GPC5: variants seen among roughly 807,000 people sequenced by gnomAD.
GPC5 encodes the protein glypican-5.
A neutral mutation model predicts 53.9 loss-of-function variants in GPC5; 47 were observed. The observed-to-expected ratio is 0.87, with a 90% CI of 0.69 to 1.11. GPC5 has a LOEUF of 1.11. Ranked by LOEUF, GPC5 falls within the 50% of genes most tolerant of loss-of-function variation. The probability of loss-of-function intolerance (pLI) is 0.00; values close to 1 mark genes in which losing one functional copy is unlikely to be tolerated. For missense variants in GPC5, 748 were observed against 713.1 expected (o/e 1.05, Z -0.56); for synonymous variants, 286 against 263.3 (o/e 1.09, Z -0.84).
intron 7 of GPC5, among the ~76,000 whole-genome samples, chr13:92,629,814 AG>A: frequency 6.6e-6 from 1 of 152,292 alleles, no homozygotes; most frequent in South Asian, 2.1e-4. Flanking sequence ...AAAAATCAAT[AG>A]GACTTCATTC....
At chr13:91,959,057 A>AACACACACACACACAC (rs147785443) in intron 6 of GPC5, among the ~76,000 whole-genome samples, 1 of 127,654 alleles carries the variant, frequency 7.8e-6, no homozygotes, top group Admixed American at 8.1e-5. Flanking sequence ...GAATGGAGAC[A>AACACACACACACACAC]ACACACACAC....
At chr13:92,488,657 T>C (rs1879649430) in intron 7 of GPC5, among the ~76,000 whole-genome samples, 1 of 152,212 alleles carries the variant, frequency 6.6e-6, no homozygotes, top group Non-Finnish European at 1.5e-5. Flanking sequence ...AGACAGGAAA[T>C]GCAATGACAT....
chr13:92,384,585 A>G (rs952733853), intron 7 of GPC5, among the ~76,000 whole-genome samples: 3 of 152,156 alleles, frequency 2.0e-5, no homozygotes, highest in Admixed American at 6.5e-5. Flanking sequence ...CTCTTCCTTT[A>G]AACAAATCCC....
At chr13:92,187,215 G>A (rs1014482086) in intron 7 of GPC5, among the ~76,000 whole-genome samples, 4 of 152,110 alleles carry the variant, frequency 2.6e-5, no homozygotes, top group Admixed American at 1.3e-4. Context: ...AAATAAGTTA[G>A]TACATCCACT....
intron 5 of GPC5, among the ~76,000 whole-genome samples, chr13:91,790,849 A>G (rs1226632848): frequency 6.6e-5 from 10 of 152,208 alleles, no homozygotes; most frequent in Non-Finnish European, 1.5e-4. Context: ...ATTTCCTGTG[A>G]TGAATGGCTG....
intron 7 of GPC5, among the ~76,000 whole-genome samples, chr13:92,591,954 C>A (rs1414201637): frequency 2.6e-5 from 4 of 152,150 alleles, no homozygotes; most frequent in East Asian, 1.9e-4. Context: ...GAGAGTCCAC[C>A]CTTAACTCCA....
intron 7 of GPC5, among the ~76,000 whole-genome samples, chr13:92,244,332 T>G (rs886396392): frequency 6.6e-6 from 1 of 152,212 alleles, no homozygotes; most frequent in Admixed American, 6.5e-5. Context: ...TTATATGATA[T>G]TACGACATTT....
At chr13:92,524,419 GTC>G (rs1463828352) in intron 7 of GPC5, among the ~76,000 whole-genome samples, 2 of 152,040 alleles carry the variant, frequency 1.3e-5, no homozygotes, top group Non-Finnish European at 2.9e-5. Context: ...AGGAAAAAAA[GTC>G]TATCTATGTT....
chr13:92,344,396 G>C (rs2043392664), intron 7 of GPC5, among the ~76,000 whole-genome samples: 2 of 152,126 alleles, frequency 1.3e-5, no homozygotes, highest in African/African-American at 4.8e-5. Context: ...GTCAAGATGA[G>C]ATTTGGGCGG....
intron 7 of GPC5, among the ~76,000 whole-genome samples, chr13:92,749,196 C>T (rs544955897): frequency 1.4e-4 from 22 of 152,030 alleles, no homozygotes; most frequent in East Asian, 3.9e-4. Context: ...CTTATTTAGA[C>T]GAAATAGGTA....
At chr13:91,469,400 C>T (rs1315705093) in intron 2 of GPC5, among the ~76,000 whole-genome samples, 1 of 151,896 alleles carries the variant, frequency 6.6e-6, no homozygotes, top group Non-Finnish European at 1.5e-5. Context: ...TGAGTCGCTG[C>T]ACCTGGCCTA....
intron 6 of GPC5, among the ~76,000 whole-genome samples, chr13:92,098,083 T>G (rs2041435640): frequency 6.6e-6 from 1 of 152,204 alleles, no homozygotes; most frequent in Non-Finnish European, 1.5e-5. Flanking sequence ...TCACCAGGGT[T>G]TGTTGTACAG....
intron 7 of GPC5, among the ~76,000 whole-genome samples, chr13:92,377,722 G>A (rs971611004): frequency 6.6e-6 from 1 of 151,968 alleles, no homozygotes; most frequent in Admixed American, 6.6e-5. Context: ...GATTAATAAT[G>A]CTTTTTGTTT....
chr13:92,294,693 A>G (rs1186523331), intron 7 of GPC5, among the ~76,000 whole-genome samples: 2 of 149,950 alleles, frequency 1.3e-5, no homozygotes, highest in Non-Finnish European at 3.0e-5. Context: ...TTTCAATTTC[A>G]CTTAATTCTG....
chr13:92,076,840 C>A (rs1185459456), intron 6 of GPC5, among the ~76,000 whole-genome samples: 1 of 152,142 alleles, frequency 6.6e-6, no homozygotes, highest in Non-Finnish European at 1.5e-5. Flanking sequence ...AGATCTTTTT[C>A]TTCCAGGCCC....
At chr13:91,775,668 T>C (rs1161595496) in intron 5 of GPC5, among the ~76,000 whole-genome samples, 1 of 152,208 alleles carries the variant, frequency 6.6e-6, no homozygotes, top group African/African-American at 2.4e-5. Flanking sequence ...TGTTACTTCT[T>C]TATAAGACTT....
chr13:91,771,451 T>C (rs1258470511), intron 5 of GPC5, among the ~76,000 whole-genome samples: 1 of 152,162 alleles, frequency 6.6e-6, no homozygotes, highest in South Asian at 2.1e-4. Context: ...ATTTCATCCA[T>C]GTAAACAAAA....
chr13:91,480,511 C>T (rs1883243091), intron 2 of GPC5, among the ~76,000 whole-genome samples: 1 of 152,228 alleles, frequency 6.6e-6, no homozygotes, highest in Non-Finnish European at 1.5e-5. Flanking sequence ...CTATCCATTA[C>T]TTACTACTAA....
At chr13:92,423,959 A>G (rs1876704051) in intron 7 of GPC5, among the ~76,000 whole-genome samples, 1 of 152,186 alleles carries the variant, frequency 6.6e-6, no homozygotes, top group Non-Finnish European at 1.5e-5. Context: ...CATGTGTAGT[A>G]TGTTGTAAAA....
Sources: gnomAD v4.1 joint callset for allele counts (sites outside exome capture counted in the v4.1 genomes callset) on GRCh38, gnomAD v4.1.1 for gene constraint, MANE v1.5 for transcripts, NCBI Gene and HGNC (gene_info 2026-07-23, HGNC 2026-07-21) for gene names.